SH2D4A: variants seen among roughly 807,000 people sequenced by gnomAD.
SH2D4A encodes SH2 domain-containing protein 4A.
SH2D4A carries 70 observed loss-of-function variants against 64.7 expected under a neutral mutation model. The ratio of observed to expected loss-of-function variants is 1.08; its 90% CI spans 0.89 to 1.32. The LOEUF is 1.32. SH2D4A is among the 40% of genes most tolerant of loss of function. The probability of loss-of-function intolerance (pLI) is 0.00; values close to 1 mark genes in which losing one functional copy is unlikely to be tolerated. For synonymous variants in SH2D4A, 268 were observed against 200.7 expected (o/e 1.34, Z -2.83); for missense variants, 706 against 540.1 (o/e 1.31, Z -3.04).
Position 19,334,710 on chromosome 8 carries a change from C to T in SH2D4A, c.366C>T (p.Thr122=). Residue 122 remains threonine (T), a synonymous_variant, in exon 4 of 10, where the codon ACC becomes ACT. Coordinates refer to ENST00000265807, the MANE Select transcript of SH2D4A (RefSeq NM_022071.4). ...EPRKTHSEEF[T]NSLKTKSQYH... is the part of the protein sequence containing the mutation. ...GAAAAACTCACTCTGAAGAATTCAC[C>T]AATAGCTTGAAAACAAAATCACAGT... 6.2e-6 allele frequency: 10 copies of T among 1,606,720 alleles called. No individual in the cohort carries two copies. Among genetic ancestry groups the T allele is most frequent in the Non-Finnish European group, 8.5e-6 (10 of 1,177,976 alleles).
rs1173726157 is a variant in SH2D4A at position 19,348,958 on chromosome 8, A to G, written c.514-8245A>G. Among the ~76,000 whole-genome samples the G allele has an allele frequency of 2.6e-5, 4 of 152,260 alleles. No individual in the cohort carries two copies. The East Asian group carries it at 7.7e-4, about 29-fold the overall frequency. ...GAGTCTCTGGGAGGCAAGGGGGTTC[A>G]CACCTTAGAACAAGGACTACCATGG... On this transcript the variant is annotated intron_variant, in intron 4 of 9. Transcript: ENST00000265807.
intron 4 of SH2D4A, among the ~76,000 whole-genome samples, chr8:19,350,251 C>T (rs1335087638): frequency 6.6e-6 from 1 of 152,156 alleles, no homozygotes; most frequent in Non-Finnish European, 1.5e-5. Flanking sequence ...TTTGAAACTC[C>T]CTCGCATGTG....
intron 8 of SH2D4A, among the ~76,000 whole-genome samples, chr8:19,390,623 A>T (rs2053476348): frequency 6.6e-6 from 1 of 152,172 alleles, no homozygotes; most frequent in Admixed American, 6.5e-5. Flanking sequence ...CTTACAAAGC[A>T]AAAAAAGCAA....
intron 2 of SH2D4A, among the ~76,000 whole-genome samples, chr8:19,320,704 C>A (rs1303192530): frequency 2.0e-5 from 3 of 151,270 alleles, no homozygotes; most frequent in Non-Finnish European, 4.4e-5. Flanking sequence ...ACCCTCCTCA[C>A]TCCGTTCTCA....
chr8:19,324,977 C>T (rs554081169), intron 2 of SH2D4A, among the ~76,000 whole-genome samples: 232 of 152,274 alleles, frequency 1.5e-3, no homozygotes, highest in South Asian at 3.7e-3. Context: ...CCAAGCCAGA[C>T]CTCTCACCCG....
intron 2 of SH2D4A, among the ~76,000 whole-genome samples, chr8:19,327,720 A>G (rs1000633143): frequency 1.1e-4 from 17 of 152,172 alleles, no homozygotes; most frequent in African/African-American, 4.1e-4. Flanking sequence ...CCTTGGGTCT[A>G]TGGAGCAGTG....
At chr8:19,373,085 G>T (rs929212930) in intron 7 of SH2D4A, among the ~76,000 whole-genome samples, 10 of 152,010 alleles carry the variant, frequency 6.6e-5, no homozygotes, top group African/African-American at 2.4e-4. Context: ...GAAGTTAATG[G>T]AGCTTATAAT....
intron 8 of SH2D4A, among the ~76,000 whole-genome samples, chr8:19,380,814 T>G (rs2053280837): frequency 6.6e-6 from 1 of 152,198 alleles, no homozygotes; most frequent in Admixed American, 6.5e-5. Context: ...TGTGACGTCT[T>G]CCTGTTTTTT....
chr8:19,377,506 T>G (rs2053215481), intron 8 of SH2D4A, among the ~76,000 whole-genome samples: 1 of 152,252 alleles, frequency 6.6e-6, no homozygotes, highest in Non-Finnish European at 1.5e-5. Flanking sequence ...TTTTATATGC[T>G]GTAAACATAT....
intron 2 of SH2D4A, among the ~76,000 whole-genome samples, chr8:19,326,218 A>T (rs1289476381): frequency 1.3e-5 from 2 of 152,228 alleles, no homozygotes; most frequent in Admixed American, 6.5e-5. Context: ...ATTGCAAAAT[A>T]GGTGAGTAAT....
At chr8:19,391,197 C>T (rs568430685) in intron 8 of SH2D4A, among the ~76,000 whole-genome samples, 10 of 152,246 alleles carry the variant, frequency 6.6e-5, no homozygotes, top group South Asian at 2.1e-4. Flanking sequence ...TGGTACCTGG[C>T]GCCTTGTTTC....
At chr8:19,387,404 A>C (rs1218261865) in intron 8 of SH2D4A, among the ~76,000 whole-genome samples, 2 of 151,220 alleles carry the variant, frequency 1.3e-5, no homozygotes, top group Non-Finnish European at 2.9e-5. Context: ...CCCAGCTAAT[A>C]GTTTTTGTTG....
intron 2 of SH2D4A, among the ~76,000 whole-genome samples, chr8:19,323,453 T>C (rs1288550249): frequency 1.3e-5 from 2 of 151,506 alleles, no homozygotes; most frequent in Non-Finnish European, 2.9e-5. Flanking sequence ...TGATCTCAGC[T>C]CACTGCAACC....
At chr8:19,353,063 G>C (rs2052732874) in intron 4 of SH2D4A, among the ~76,000 whole-genome samples, 1 of 152,012 alleles carries the variant, frequency 6.6e-6, no homozygotes, top group African/African-American at 2.4e-5. Flanking sequence ...TTTGGTAAAG[G>C]GATAAGGCCT....
chr8:19,392,058 GCATTAT>G (rs2053502139), intron 8 of SH2D4A, among the ~76,000 whole-genome samples: 1 of 152,104 alleles, frequency 6.6e-6, no homozygotes, highest in African/African-American at 2.4e-5. Context: ...GAGTTTTACA[GCATTAT>G]CTATTCATTG....
intron 2 of SH2D4A, among the ~76,000 whole-genome samples, chr8:19,324,303 C>T (rs937063516): frequency 6.6e-6 from 1 of 152,222 alleles, no homozygotes; most frequent in African/African-American, 2.4e-5. Context: ...GGAAGGGGCT[C>T]CTCTGTGTGC....
intron 8 of SH2D4A, among the ~76,000 whole-genome samples, chr8:19,383,440 G>A (rs1317807982): frequency 1.3e-5 from 2 of 150,354 alleles, no homozygotes; most frequent in Non-Finnish European, 3.0e-5. Context: ...TACATTTTGT[G>A]CATACGTAAA....
intron 4 of SH2D4A, among the ~76,000 whole-genome samples, chr8:19,355,886 T>G (rs1585175595): frequency 6.6e-6 from 1 of 152,236 alleles, no homozygotes; most frequent in East Asian, 1.9e-4. Context: ...GTTTTATCAG[T>G]TGATAGGCTA....
chr8:19,393,684 CT>C, intron 9 of SH2D4A, 143 bp downstream of exon 9: 1 of 757,550 alleles, frequency 1.3e-6, no homozygotes, highest in Non-Finnish European at 2.1e-6. Flanking sequence ...ATAATTCTTC[CT>C]GATAATCAGG....
Sources: allele counts gnomAD v4.1 joint callset (sites outside exome capture counted in the v4.1 genomes callset), GRCh38; gene constraint gnomAD v4.1.1; transcripts MANE v1.5; gene names NCBI Gene and HGNC (gene_info 2026-07-23, HGNC 2026-07-21).